Variants in CAMKK1 observed in about 807,000 individuals in gnomAD.
The protein encoded by CAMKK1 is calcium/calmodulin-dependent protein kinase kinase 1.
CAMKK1 carries 20 observed loss-of-function variants against 63.5 expected under a neutral mutation model. The ratio of observed to expected loss-of-function variants is 0.32; its 90% CI spans 0.22 to 0.46. The LOEUF is 0.46. Ranked by LOEUF, CAMKK1 falls within the 20% of genes least tolerant of loss-of-function variation. The pLI is 1.00. For missense variants in CAMKK1, 588 were observed against 658.1 expected (o/e 0.89, Z 1.17); for synonymous variants, 253 against 269.0 (o/e 0.94, Z 0.58).
rs2055931158 is a variant in CAMKK1 at position 3,892,322 on chromosome 17, GCA to G, written c.-44+615_-44+616del. Among the ~76,000 whole-genome samples the G allele has an allele frequency of 6.6e-6, 1 of 151,410 alleles. No individual in the cohort carries two copies. The highest frequency in any genetic ancestry group is 1.5e-5 in the Non-Finnish European group (1 of 67,894). ...ACACTCCCGCGTCCACGTGACACAC[GCA>G]CACCCGCCTCCAAACAGCACACGCA... On this transcript the variant is annotated intron_variant, in intron 1 of 15. Transcript: ENST00000348335. This position sits in a 1 kb window ranked among gnomAD's most constrained non-coding sequence, Gnocchi z 7.5.
In CAMKK1 at chr17:3,882,434, A is replaced by T; in HGVS notation, c.685+94T>A. On this transcript the variant is annotated intron_variant, in intron 7 of 15. Transcript: ENST00000348335. This position sits in a 1 kb window ranked among gnomAD's most constrained non-coding sequence, Gnocchi z 4.3. ...TCTTCTGTCCCCAGGAGGTCAGTGCATTTACACCGCCCACCTGAAGGTCAT... is the reference window on the plus strand; with the variant it reads ...TCTTCTGTCCCCAGGAGGTCAGTGCTTTTACACCGCCCACCTGAAGGTCAT... The T allele has an allele frequency of 1.3e-6, 2 of 1,585,756 alleles. No individual in the cohort carries two copies. Among genetic ancestry groups the T allele is most frequent in the Non-Finnish European group, 1.7e-6 (2 of 1,154,846 alleles).
intron 1 of CAMKK1, among the ~76,000 whole-genome samples, chr17:3,888,934 G>T (rs758877420): frequency 3.3e-5 from 5 of 151,588 alleles, no homozygotes; most frequent in Non-Finnish European, 5.9e-5. Flanking sequence ...GTGTGTGTGT[G>T]TTGTGGGTCC....
intron 9 of CAMKK1, 145 bp downstream of exon 9, chr17:3,880,201 A>C: frequency 1.3e-5 from 8 of 612,724 alleles, no homozygotes; most frequent in East Asian, 6.3e-5. Context: ...TGGCCCCGCC[A>C]CACGTGCATG....
rs888866774 is a variant in CAMKK1, at chr17:3,892,187, C to T, written c.-44+752G>A. Among the ~76,000 whole-genome samples, 24 of 152,130 alleles carry T rather than the reference C, an allele frequency of 1.6e-4. No homozygotes were observed. The highest frequency in any genetic ancestry group is 5.8e-4 in the African/African-American group (24 of 41,430). ...CAGCCTTCTCTGCACAGCCCTGCAA[C>T]GCCAAGACTTGAGCACACCCCCTCC... On this transcript the variant is annotated intron_variant, in intron 1 of 15. Transcript: ENST00000348335. This position sits in a 1 kb window ranked among gnomAD's most constrained non-coding sequence, Gnocchi z 7.5.
At chr17:3,873,574 A>G (rs942190067) in intron 10 of CAMKK1, 112 bp from the exon 11 acceptor site, 1 of 978,794 alleles carries the variant, frequency 1.0e-6, no homozygotes, top group African/African-American at 1.6e-5. Flanking sequence ...TCTGTCATGC[A>G]CTCACTCGAC....
Position 3,882,107 on chromosome 17 carries a change from A to C in CAMKK1, c.685+421T>G, listed in dbSNP as rs2055432228. ...TAACATTACTATTAACAAGGATAAT[A>C]ACGAATGTGCTTTACATATAATTAC... On this transcript the variant is annotated intron_variant, in intron 7 of 15. Coordinates refer to ENST00000348335, the MANE Select transcript of CAMKK1 (RefSeq NM_032294.3). This position sits in a 1 kb window ranked among gnomAD's most constrained non-coding sequence, Gnocchi z 4.3. The C allele has an allele frequency of 6.8e-6, 4 of 592,198 alleles. No individual in the cohort carries two copies. The highest frequency in any genetic ancestry group is 1.2e-5 in the Non-Finnish European group (4 of 334,868). The allele number at this position is 592,198 out of a possible 1,614,324, so 36.7% of individuals were successfully genotyped here.
At position 3,861,031 on chromosome 17, in the gene CAMKK1, CA is replaced by C. The variant is rs2143762908; in HGVS notation, c.*1179del. 1 of 152,430 alleles carries C rather than the reference CA, an allele frequency of 6.6e-6. No homozygotes were observed. The highest frequency in any genetic ancestry group is 1.9e-4 in the East Asian group (1 of 5,184). The allele number at this position is 152,430 out of a possible 1,614,324, so 9.4% of individuals were successfully genotyped here. A position where few individuals can be genotyped will look rare whatever the true frequency, so the allele number is the denominator to read the frequency against. On this transcript the variant is annotated 3_prime_UTR_variant, in exon 16 of 16. Coordinates refer to ENST00000348335, the MANE Select transcript of CAMKK1 (RefSeq NM_032294.3). ...ACGTCGGCCAGCCGGACACTGATCC[CA>C]GAGAGAAGGTGAAGGCTGCTCCGGA... is the stretch of plus-strand genomic sequence containing the variant.
intron 14 of CAMKK1, among the ~76,000 whole-genome samples, chr17:3,867,684 C>T (rs952676029): frequency 3.3e-5 from 5 of 152,062 alleles, no homozygotes; most frequent in Admixed American, 6.6e-5. Context: ...GGGATTGAGC[C>T]AGCTGGTCCC....
intron 15 of CAMKK1, chr17:3,865,057 G>T: frequency 1.1e-6 from 1 of 892,074 alleles, no homozygotes; most frequent in Non-Finnish European, 1.3e-6. Context: ...TCCCTCCGGG[G>T]CCAGAGGAAG....
At chr17:3,885,847 C>T (rs111265431) in intron 1 of CAMKK1, 117 bp from the exon 2 acceptor site, 64 of 1,045,812 alleles carry the variant, frequency 6.1e-5, no homozygotes, top group African/African-American at 4.5e-4. Flanking sequence ...TTCCCTCTAC[C>T]GGGATTGCCA....
In CAMKK1 at chr17:3,884,319, A is replaced by C; in HGVS notation, c.408+61T>G. 1 of 1,554,170 alleles carries C rather than the reference A, an allele frequency of 6.4e-7. No individual in the cohort carries two copies. The highest frequency in any genetic ancestry group is 2.2e-5 in the East Asian group (1 of 44,570). ...CTCCCGTTCCCTCCCACACGAGAGA[A>C]GGAGCAGCGCCAAACAGAGAATCCC... On this transcript the variant is annotated intron_variant, in intron 3 of 15. Transcript: ENST00000348335. This position sits in a 1 kb window ranked among gnomAD's most constrained non-coding sequence, Gnocchi z 4.5.
rs1235391157 is a variant in CAMKK1 at position 3,884,812 on chromosome 17, T to C, written c.361-385A>G. Among the ~76,000 whole-genome samples the C allele has an allele frequency of 6.6e-6, 1 of 152,318 alleles. No homozygotes were observed. The highest frequency in any genetic ancestry group is 1.9e-4 in the East Asian group (1 of 5,188). ...ACTCCAAGGACAAGATGAGGAGCCC[T>C]GGGCACAGAGGCTGAGAGCCTGGGT... On this transcript the variant is annotated intron_variant, in intron 2 of 15. Coordinates refer to ENST00000348335, the MANE Select transcript of CAMKK1 (RefSeq NM_032294.3). This position sits in a 1 kb window ranked among gnomAD's most constrained non-coding sequence, Gnocchi z 4.5.
rs374629234 is a variant in CAMKK1 at position 3,884,448 on chromosome 17, C to T, written c.361-21G>A. 2.5e-6 allele frequency: 4 copies of T among 1,611,626 alleles called. No homozygotes were observed. The highest frequency in any genetic ancestry group is 1.7e-4 in the Middle Eastern group (1 of 6,052). Reference sequence around the variant, plus strand: ...CAGTCCTGTGGGGGAAGAGCGAGCACCAGGTGGAGCTGGGTCCGGAGGCAG... The same window carrying T: ...CAGTCCTGTGGGGGAAGAGCGAGCATCAGGTGGAGCTGGGTCCGGAGGCAG... On this transcript the variant is annotated intron_variant, in intron 2 of 15. Coordinates refer to ENST00000348335, the MANE Select transcript of CAMKK1 (RefSeq NM_032294.3). This position sits in a 1 kb window ranked among gnomAD's most constrained non-coding sequence, Gnocchi z 4.5.
At chr17:3,872,738 CCATTA>C in intron 11 of CAMKK1, 111 bp from the exon 12 acceptor site, 1 of 798,622 alleles carries the variant, frequency 1.3e-6, no homozygotes. Context: ...GTCTGGGCTC[CCATTA>C]CATGAGAAGG....
At chr17:3,865,758 CAG>C in intron 15 of CAMKK1, 148 bp downstream of exon 15, 1 of 1,456,202 alleles carries the variant, frequency 6.9e-7, no homozygotes, top group Non-Finnish European at 9.0e-7. Flanking sequence ...ACCTTGGGGA[CAG>C]AGATGCAAAT....
Position 3,860,650 on chromosome 17 carries a change from C to T in CAMKK1, c.*1561G>A, listed in dbSNP as rs913230260. On this transcript the variant is annotated 3_prime_UTR_variant, in exon 16 of 16. Transcript: ENST00000348335. Reference sequence around the variant, plus strand: ...GTAACTTTTTAAGCTTCGGGCCACACTGCCTTAGCCCAGAGGAGCCGGGGA... The same window carrying T: ...GTAACTTTTTAAGCTTCGGGCCACATTGCCTTAGCCCAGAGGAGCCGGGGA... 4 of 152,248 alleles carry T rather than the reference C, an allele frequency of 2.6e-5. No individual in the cohort carries two copies. Among genetic ancestry groups the T allele is most frequent in the Non-Finnish European group, 4.4e-5 (3 of 68,042 alleles). The allele number at this position is 152,248 out of a possible 1,614,324, so 9.4% of individuals were successfully genotyped here.
At position 3,887,608 on chromosome 17, in the gene CAMKK1, G is replaced by A. The variant is rs1011681883; in HGVS notation, c.-43-1878C>T. On this transcript the variant is annotated intron_variant, in intron 1 of 15. Coordinates refer to ENST00000348335, the MANE Select transcript of CAMKK1 (RefSeq NM_032294.3). The surrounding 1 kb of genome is among the most constrained non-coding windows in gnomAD (Gnocchi z 6.1). ...TGGAGGAGGTGAGAGGGGACAGGGA[G>A]TGGGGCTGTGGCACAGGGAGGCCTC... Among the ~76,000 whole-genome samples, 1 of 151,462 alleles carries A rather than the reference G, an allele frequency of 6.6e-6. No homozygotes were observed. The highest frequency in any genetic ancestry group is 1.5e-5 in the Non-Finnish European group (1 of 67,756).
chr17:3,869,361 C>T (rs2054733505), intron 14 of CAMKK1, 126 bp downstream of exon 14: 1 of 1,314,106 alleles, frequency 7.6e-7, no homozygotes, highest in Admixed American at 2.4e-5. Context: ...ATGGCGGCTC[C>T]AGTGGCCCAG....
chr17:3,891,274 T>C (rs948509503), intron 1 of CAMKK1, among the ~76,000 whole-genome samples: 1 of 152,190 alleles, frequency 6.6e-6, no homozygotes, highest in Non-Finnish European at 1.5e-5. Context: ...TACAGTTTAA[T>C]TTCTCGTGGG....
Sources: gnomAD v4.1 joint callset for allele counts (sites outside exome capture counted in the v4.1 genomes callset) on GRCh38, gnomAD v4.1.1 for gene constraint, Gnocchi (gnomAD v3.1) non-coding constraint, MANE v1.5 for transcripts, NCBI Gene and HGNC (gene_info 2026-07-23, HGNC 2026-07-21) for gene names.